KCNJ3: variants seen among roughly 807,000 people sequenced by gnomAD.
The protein encoded by KCNJ3 is G protein-activated inward rectifier potassium channel 1.
In KCNJ3, 4 loss-of-function variants were observed where a neutral mutation model predicts 39.2. That is an observed-to-expected ratio of 0.10 (90% confidence interval 0.05 to 0.23). The LOEUF is 0.23. Ranked by LOEUF, KCNJ3 falls within the 10% of genes least tolerant of loss-of-function variation. The pLI, the probability that KCNJ3 is intolerant of heterozygous loss-of-function variation, is 1.00. For missense variants in KCNJ3, 276 were observed against 634.9 expected (o/e 0.43, Z 6.08); for synonymous variants, 230 against 237.4 (o/e 0.97, Z 0.29).
At chr2:154,785,357 T>G (rs562758873) in intron 2 of KCNJ3, among the ~76,000 whole-genome samples, 29 of 152,294 alleles carry the variant, frequency 1.9e-4, no homozygotes, top group Admixed American at 1.9e-3. Flanking sequence ...GCCATCTTCT[T>G]GCCTTGTCCT....
chr2:154,815,177 A>T (rs187173963), intron 2 of KCNJ3, among the ~76,000 whole-genome samples: 1 of 152,150 alleles, frequency 6.6e-6, no homozygotes, highest in Admixed American at 6.5e-5. Flanking sequence ...TATAGAAATT[A>T]TTTTTTTCTG....
intron 2 of KCNJ3, among the ~76,000 whole-genome samples, chr2:154,759,464 A>T (rs1335752218): frequency 6.6e-6 from 1 of 151,990 alleles, no homozygotes; most frequent in Non-Finnish European, 1.5e-5. Context: ...GTAAGAGTAA[A>T]TCTTTGTGTA....
rs1380394236 is a variant in KCNJ3 at position 154,709,656 on chromosome 2, T to G, written c.756T>G (p.Asp252Glu). 6.2e-7 allele frequency: 1 copy of G among 1,613,816 alleles called. No individual in the cohort carries two copies. ...TTCCCCTTGACCAACTTGAACTGGA[T>G]GTAGGTTTTAGTACAGGGGCAGATC... Reference protein sequence around the residue: ...EFLPLDQLELDVGFSTGADQL... With the variant: ...EFLPLDQLELEVGFSTGADQL... Residue 252 changes from aspartate to glutamate, a missense_variant, in exon 2 of 3, where the codon GAT (aspartate) becomes GAG (glutamate). Coordinates refer to ENST00000295101, the MANE Select transcript of KCNJ3 (RefSeq NM_002239.4).
intron 2 of KCNJ3, among the ~76,000 whole-genome samples, chr2:154,808,064 A>G (rs1379858590): frequency 6.6e-6 from 1 of 151,640 alleles, no homozygotes; most frequent in African/African-American, 2.4e-5. Flanking sequence ...CAAATGGAAG[A>G]GGGATAAGGG....
chr2:154,717,000 G>A (rs947648950), intron 2 of KCNJ3, among the ~76,000 whole-genome samples: 5 of 152,218 alleles, frequency 3.3e-5, no homozygotes, highest in African/African-American at 4.8e-5. Context: ...TTAGCACTGT[G>A]TACTCAAATG....
chr2:154,702,496 G>C (rs1379686548), intron 1 of KCNJ3, among the ~76,000 whole-genome samples: 1 of 151,764 alleles, frequency 6.6e-6, no homozygotes, highest in African/African-American at 2.4e-5. Flanking sequence ...ATGTATAATA[G>C]TTTTTAAATG....
intron 2 of KCNJ3, among the ~76,000 whole-genome samples, chr2:154,714,535 A>ACC (rs973329992): frequency 3.3e-5 from 5 of 152,022 alleles, no homozygotes; most frequent in Non-Finnish European, 4.4e-5. Context: ...TATGAAACTT[A>ACC]CCCCCAGCTA....
intron 2 of KCNJ3, among the ~76,000 whole-genome samples, chr2:154,834,761 A>C (rs2105123008): frequency 6.6e-6 from 1 of 152,122 alleles, no homozygotes; most frequent in Admixed American, 6.5e-5. Context: ...AAAATAGAAT[A>C]AGTCATTTAA....
Position 154,744,039 on chromosome 2 carries a change from A to G in KCNJ3, c.919+34220A>G, listed in dbSNP as rs532068479. Among the ~76,000 whole-genome samples the G allele has an allele frequency of 3.3e-5, 5 of 151,746 alleles. No homozygotes were observed. The South Asian group carries it at 1.0e-3, about 31-fold the overall frequency. On this transcript the variant is annotated intron_variant, in intron 2 of 2. Transcript: ENST00000295101. ...TTCCTATTTTCTATATGTTTTTATT[A>G]TGAATGGATATTGAATTCTGTTAAA...
chr2:154,742,581 TG>T (rs1452436001), intron 2 of KCNJ3, among the ~76,000 whole-genome samples: 2 of 151,870 alleles, frequency 1.3e-5, no homozygotes, highest in African/African-American at 2.4e-5. Context: ...TGATCTGAGG[TG>T]GTATGTCATT....
intron 2 of KCNJ3, among the ~76,000 whole-genome samples, chr2:154,762,031 C>G (rs1022610701): frequency 6.6e-6 from 1 of 152,020 alleles, no homozygotes; most frequent in Non-Finnish European, 1.5e-5. Context: ...TTAATGGGGC[C>G]AGTAGTCAAG....
intron 2 of KCNJ3, among the ~76,000 whole-genome samples, chr2:154,775,978 T>A (rs1279046597): frequency 3.3e-5 from 5 of 151,206 alleles, no homozygotes; most frequent in Admixed American, 6.6e-5. Context: ...TAACCTTTTT[T>A]AAAAAAGGAA....
At chr2:154,756,887 T>C (rs1017884434) in intron 2 of KCNJ3, among the ~76,000 whole-genome samples, 1 of 152,056 alleles carries the variant, frequency 6.6e-6, no homozygotes, top group African/African-American at 2.4e-5. Context: ...ATTTGTACTG[T>C]AGAAAGAGCA....
chr2:154,798,796 T>C (rs2591153), intron 2 of KCNJ3, among the ~76,000 whole-genome samples: 115,082 of 152,152 alleles, frequency 0.76, 44,380 homozygotes, highest in East Asian at 0.9. Context: ...CAGACTATTT[T>C]GTTGTATGTT....
chr2:154,838,327 G>A (rs2971904), intron 2 of KCNJ3, among the ~76,000 whole-genome samples: 30,510 of 152,052 alleles, frequency 0.2, 3,369 homozygotes, highest in East Asian at 0.4. Flanking sequence ...TAGCAGACTA[G>A]CATGGAGGTG....
chr2:154,837,855 T>A (rs1019752525), intron 2 of KCNJ3, among the ~76,000 whole-genome samples: 3 of 152,206 alleles, frequency 2.0e-5, no homozygotes, highest in Non-Finnish European at 4.4e-5. Flanking sequence ...ATAGACTATA[T>A]GGGAAACTGC....
At chr2:154,747,894 C>T (rs1685774932) in intron 2 of KCNJ3, among the ~76,000 whole-genome samples, 2 of 151,812 alleles carry the variant, frequency 1.3e-5, no homozygotes, top group Admixed American at 1.3e-4. Flanking sequence ...GAAAAATAGT[C>T]AATTTTTGGT....
chr2:154,718,999 T>C (rs779024303), intron 2 of KCNJ3, among the ~76,000 whole-genome samples: 2 of 152,180 alleles, frequency 1.3e-5, no homozygotes, highest in Non-Finnish European at 2.9e-5. Context: ...AGATGCGTCA[T>C]AGTGCAGTTA....
At chr2:154,767,895 G>T (rs1686163229) in intron 2 of KCNJ3, among the ~76,000 whole-genome samples, 1 of 152,154 alleles carries the variant, frequency 6.6e-6, no homozygotes, top group Non-Finnish European at 1.5e-5. Flanking sequence ...GGTGTGAGAT[G>T]GTATCTCATT....
Sources: allele counts gnomAD v4.1 joint callset (sites outside exome capture counted in the v4.1 genomes callset), GRCh38; gene constraint gnomAD v4.1.1; transcripts MANE v1.5; gene names NCBI Gene and HGNC (gene_info 2026-07-23, HGNC 2026-07-21).